GABRB1: variants seen among roughly 807,000 people sequenced by gnomAD.
GABRB1 encodes the protein gamma-aminobutyric acid receptor subunit beta-1.
A neutral mutation model predicts 51.6 loss-of-function variants in GABRB1; 17 were observed. The ratio of observed to expected loss-of-function variants is 0.33; its 90% confidence interval spans 0.23 to 0.49. GABRB1 has a LOEUF of 0.49. Among genes scored for constraint, GABRB1 ranks in the 20% least tolerant of loss-of-function variants. GABRB1 has a pLI of 0.99. For missense variants in GABRB1, 410 were observed against 600.6 expected, an observed-to-expected ratio of 0.68 and a Z score of 3.32; for synonymous variants, 247 against 218.9, an observed-to-expected ratio of 1.13 and a Z score of -1.14.
intron 5 of GABRB1, among the ~76,000 whole-genome samples, chr4:47,373,755 G>A (rs895264990): frequency 1.3e-5 from 2 of 152,108 alleles, no homozygotes; most frequent in Non-Finnish European, 2.9e-5. Context: ...GTAAGGCCTG[G>A]GCTCTGACGT....
At chr4:47,209,738 T>C (rs1720279406) in intron 4 of GABRB1, among the ~76,000 whole-genome samples, 1 of 151,734 alleles carries the variant, frequency 6.6e-6, no homozygotes, top group African/African-American at 2.4e-5. Flanking sequence ...AATGTATGAA[T>C]GGCATAGAAA....
intron 4 of GABRB1, among the ~76,000 whole-genome samples, chr4:47,257,770 A>T (rs76560934): frequency 0.019 from 2,885 of 152,062 alleles, 105 homozygotes; most frequent in African/African-American, 0.066. Context: ...AGAAAAAAAG[A>T]CTTTACTTTG....
chr4:47,017,354 C>T (rs972678527), intron 1 of GABRB1, among the ~76,000 whole-genome samples: 1 of 152,104 alleles, frequency 6.6e-6, no homozygotes. Context: ...AGCTGATGGT[C>T]GCATTACTCA....
At chr4:47,226,870 T>C (rs1332538579) in intron 4 of GABRB1, among the ~76,000 whole-genome samples, 1 of 152,136 alleles carries the variant, frequency 6.6e-6, no homozygotes, top group South Asian at 2.1e-4. Flanking sequence ...TCAATACTAA[T>C]AGCTAAAACA....
At chr4:47,153,508 T>C (rs1057284110) in intron 3 of GABRB1, among the ~76,000 whole-genome samples, 3 of 152,050 alleles carry the variant, frequency 2.0e-5, no homozygotes, top group African/African-American at 7.2e-5. Flanking sequence ...AATGGATCTT[T>C]ATAGTTTTAA....
At position 47,044,096 on chromosome 4, in the gene GABRB1, C is replaced by A. The variant is rs144213982; in HGVS notation, c.240+11612C>A. On this transcript the variant is annotated intron_variant, in intron 3 of 8. Coordinates refer to ENST00000295454, the MANE Select transcript of GABRB1 (RefSeq NM_000812.4). Reference sequence around the variant, plus strand: ...GCTGAGACAGCGTTTGTGTTGCCTACACTGATCTTCTGCATTTGAAAAGCA... The same window carrying A: ...GCTGAGACAGCGTTTGTGTTGCCTAAACTGATCTTCTGCATTTGAAAAGCA... 5.7e-3 allele frequency among the ~76,000 whole-genome samples: 861 copies of A among 152,174 alleles called. 5 individuals carry two copies. The highest frequency in any genetic ancestry group is 9.7e-3 in the Non-Finnish European group (658 of 67,968).
rs151102140 is a variant in GABRB1 at position 47,177,761 on chromosome 4, G to A, written c.461+16292G>A. 2.9e-3 allele frequency among the ~76,000 whole-genome samples: 434 copies of A among 150,470 alleles called. 2 individuals carry two copies. Among genetic ancestry groups the A allele is most frequent in the African/African-American group, 9.5e-3 (390 of 40,970 alleles). Reference sequence around the variant, plus strand: ...TCCTCACTTATAAAGTGGCTGTAATGATATCCATCTTTCAAATTCCTATGA... The same window carrying A: ...TCCTCACTTATAAAGTGGCTGTAATAATATCCATCTTTCAAATTCCTATGA... On this transcript the variant is annotated intron_variant, in intron 4 of 8. Coordinates refer to ENST00000295454, the MANE Select transcript of GABRB1 (RefSeq NM_000812.4).
Position 47,131,563 on chromosome 4 carries a change from AT to A in GABRB1, c.241-29677del, listed in dbSNP as rs539400267. Among the ~76,000 whole-genome samples, 539 of 151,596 alleles carry A rather than the reference AT, an allele frequency of 3.6e-3. 5 individuals carry two copies. Among genetic ancestry groups the A allele is most frequent in the Admixed American group, 0.02 (310 of 15,200 alleles). On this transcript the variant is annotated intron_variant, in intron 3 of 8. Coordinates refer to ENST00000295454, the MANE Select transcript of GABRB1 (RefSeq NM_000812.4). ...GTTTAAAATAATGGCCAAAACTGCA[AT>A]TTTTTTTTGCACCTACTTAATATCA...
chr4:47,120,067 A>T lies in GABRB1; in HGVS notation c.241-41182A>T, dbSNP rs192645267. On this transcript the variant is annotated intron_variant, in intron 3 of 8. Transcript: ENST00000295454. ...AAAAACTGGATAAACAAAAATATTC[A>T]TGATCTGCAGGAAAAAATAAATTTT... Among the ~76,000 whole-genome samples the T allele has an allele frequency of 2.0e-3, 312 of 152,302 alleles. 1 individual carries two copies. The highest frequency in any genetic ancestry group is 4.0e-3 in the Non-Finnish European group (272 of 68,026).
intron 4 of GABRB1, among the ~76,000 whole-genome samples, chr4:47,180,046 G>GA (rs1283750467): frequency 6.6e-6 from 1 of 151,558 alleles, no homozygotes; most frequent in Non-Finnish European, 1.5e-5. Context: ...TCTCAAAAAA[G>GA]AAAAAAATTA....
intron 5 of GABRB1, among the ~76,000 whole-genome samples, chr4:47,336,664 T>C (rs1001873268): frequency 6.6e-6 from 1 of 152,112 alleles, no homozygotes; most frequent in Non-Finnish European, 1.5e-5. Flanking sequence ...AAAGAAGTGA[T>C]CACCTAGGAC....
At chr4:47,160,032 A>T (rs1352032784) in intron 3 of GABRB1, among the ~76,000 whole-genome samples, 2 of 152,108 alleles carry the variant, frequency 1.3e-5, no homozygotes, top group Non-Finnish European at 1.5e-5. Context: ...TTAATGGGCA[A>T]TTTTACCTTG....
intron 1 of GABRB1, among the ~76,000 whole-genome samples, chr4:47,013,455 G>A (rs114734640): frequency 3.3e-5 from 5 of 152,112 alleles, no homozygotes; most frequent in Non-Finnish European, 1.5e-5. Flanking sequence ...CACTGTGCCC[G>A]GTCTGTGCAG....
At chr4:47,389,246 T>G (rs1160975727) in intron 5 of GABRB1, among the ~76,000 whole-genome samples, 1 of 152,150 alleles carries the variant, frequency 6.6e-6, no homozygotes, top group Non-Finnish European at 1.5e-5. Context: ...GTTATCCCCA[T>G]CCCCTTCCCT....
intron 3 of GABRB1, among the ~76,000 whole-genome samples, chr4:47,122,171 A>G: frequency 6.6e-6 from 1 of 152,202 alleles, no homozygotes; most frequent in Non-Finnish European, 1.5e-5. Flanking sequence ...CCAAAATCAC[A>G]TAACTGGATT....
intron 5 of GABRB1, among the ~76,000 whole-genome samples, chr4:47,326,821 T>G (rs1725278093): frequency 6.6e-6 from 1 of 152,184 alleles, no homozygotes; most frequent in Non-Finnish European, 1.5e-5. Flanking sequence ...AATTACCCAG[T>G]TTACGGCATT....
chr4:47,031,835 G>A, intron 1 of GABRB1, 79 bp from the exon 2 acceptor site: 1 of 1,494,902 alleles, frequency 6.7e-7, no homozygotes, highest in Non-Finnish European at 9.3e-7. Context: ...GTTGTTTGGG[G>A]GTAGGTGTGC....
At chr4:47,155,080 T>C (rs999837882) in intron 3 of GABRB1, among the ~76,000 whole-genome samples, 8 of 152,096 alleles carry the variant, frequency 5.3e-5, no homozygotes, top group Admixed American at 5.2e-4. Flanking sequence ...CAACTGCTCT[T>C]GAATCAGGTA....
chr4:47,298,020 G>T (rs949033823), intron 4 of GABRB1, among the ~76,000 whole-genome samples: 1 of 152,094 alleles, frequency 6.6e-6, no homozygotes, highest in African/African-American at 2.4e-5. Context: ...TGCAGAAAAG[G>T]CCTTTGACAA....
Sources: gnomAD v4.1 joint callset for allele counts (sites outside exome capture counted in the v4.1 genomes callset) on GRCh38, gnomAD v4.1.1 for gene constraint, MANE v1.5 for transcripts, NCBI Gene and HGNC (gene_info 2026-07-23, HGNC 2026-07-21) for gene names.